ANKS1B: variants seen among roughly 807,000 people sequenced by gnomAD.
The protein encoded by ANKS1B is ankyrin repeat and sterile alpha motif domain containing 1B.
A neutral mutation model predicts 148.3 loss-of-function variants in ANKS1B; 36 were observed. The ratio of observed to expected loss-of-function variants is 0.24; its 90% CI spans 0.19 to 0.32. The LOEUF is 0.32. ANKS1B is among the 10% of genes least tolerant of loss of function. The probability of loss-of-function intolerance (pLI) is 1.00; values close to 1 mark genes in which losing one functional copy is unlikely to be tolerated. For synonymous variants in ANKS1B, 542 were observed against 560.8 expected (o/e 0.97, Z 0.47); for missense variants, 1,157 against 1,542.6 (o/e 0.75, Z 4.19).
At chr12:99,545,389 T>C (rs920469504) in intron 9 of ANKS1B, among the ~76,000 whole-genome samples, 7 of 152,062 alleles carry the variant, frequency 4.6e-5, no homozygotes, top group African/African-American at 1.4e-4. Context: ...CCTAAGAATA[T>C]AAACAAACTA....
chr12:99,437,851 TA>T (rs1448337812), intron 11 of ANKS1B, among the ~76,000 whole-genome samples: 2 of 151,860 alleles, frequency 1.3e-5, no homozygotes, highest in South Asian at 4.1e-4. Context: ...TATTTCCTTT[TA>T]CCATCAAACT....
intron 1 of ANKS1B, among the ~76,000 whole-genome samples, chr12:99,978,231 A>T (rs1399728832): frequency 6.6e-6 from 1 of 152,228 alleles, no homozygotes; most frequent in Non-Finnish European, 1.5e-5. Flanking sequence ...AGCCTTTGTC[A>T]TCTGTAAGAA....
At chr12:99,408,454 G>A (rs897544949) in intron 11 of ANKS1B, among the ~76,000 whole-genome samples, 1 of 145,596 alleles carries the variant, frequency 6.9e-6, no homozygotes, top group African/African-American at 2.6e-5. Context: ...ATTTCTTAAG[G>A]AACACTTCAC....
intron 12 of ANKS1B, among the ~76,000 whole-genome samples, chr12:99,281,509 A>C (rs1219988973): frequency 6.6e-6 from 1 of 152,190 alleles, no homozygotes; most frequent in South Asian, 2.1e-4. Flanking sequence ...CAATGTTCAG[A>C]TCTGACTCAT....
chr12:99,494,330 C>T (rs566796205), intron 10 of ANKS1B, among the ~76,000 whole-genome samples: 2 of 152,242 alleles, frequency 1.3e-5, no homozygotes, highest in South Asian at 2.1e-4. Flanking sequence ...AGAGAGAACA[C>T]TAGCTGAGTC....
At chr12:99,614,461 G>A (rs1432599485) in intron 9 of ANKS1B, among the ~76,000 whole-genome samples, 7 of 144,124 alleles carry the variant, frequency 4.9e-5, no homozygotes, top group Non-Finnish European at 1.1e-4. Flanking sequence ...GAAGGGAAGA[G>A]GAGGGGAGGG....
At chr12:99,084,672 C>A (rs1441790620) in intron 16 of ANKS1B, among the ~76,000 whole-genome samples, 1 of 152,142 alleles carries the variant, frequency 6.6e-6, no homozygotes, top group Non-Finnish European at 1.5e-5. Flanking sequence ...GAGCCTAGAT[C>A]ATACCATTGC....
At chr12:99,305,208 C>T (rs1040982189) in intron 12 of ANKS1B, among the ~76,000 whole-genome samples, 1 of 151,930 alleles carries the variant, frequency 6.6e-6, no homozygotes, top group Non-Finnish European at 1.5e-5. Flanking sequence ...GGGATCTACC[C>T]CCATGAACCC....
intron 16 of ANKS1B, among the ~76,000 whole-genome samples, chr12:99,075,368 T>C (rs2047520904): frequency 1.3e-5 from 2 of 152,182 alleles, no homozygotes. Flanking sequence ...CCAGGGTCCC[T>C]GAATTACTGG....
At chr12:99,082,177 G>A (rs2050028886) in intron 16 of ANKS1B, among the ~76,000 whole-genome samples, 1 of 152,108 alleles carries the variant, frequency 6.6e-6, no homozygotes. Flanking sequence ...CTGACCTTAT[G>A]GACCTTGCTT....
At chr12:99,745,741 C>T (rs1436246634) in intron 8 of ANKS1B, among the ~76,000 whole-genome samples, 1 of 151,782 alleles carries the variant, frequency 6.6e-6, no homozygotes, top group African/African-American at 2.4e-5. Context: ...TTTTAAAAAT[C>T]TAATTGATTT....
At chr12:98,855,376 A>G (rs1231429670) in intron 17 of ANKS1B, among the ~76,000 whole-genome samples, 1 of 152,170 alleles carries the variant, frequency 6.6e-6, no homozygotes, top group Non-Finnish European at 1.5e-5. Flanking sequence ...TATTTTGCTG[A>G]TCTGCTGATC....
intron 17 of ANKS1B, among the ~76,000 whole-genome samples, chr12:99,031,270 C>G (rs1052719085): frequency 6.6e-6 from 1 of 152,092 alleles, no homozygotes; most frequent in African/African-American, 2.4e-5. Flanking sequence ...AAATCATATG[C>G]CAGGAATTCC....
At chr12:99,718,685 A>G (rs971961552) in intron 8 of ANKS1B, among the ~76,000 whole-genome samples, 2 of 152,042 alleles carry the variant, frequency 1.3e-5, no homozygotes, top group African/African-American at 4.8e-5. Flanking sequence ...ATGGTGCCAA[A>G]CCCATATACT....
At chr12:99,369,255 G>C (rs1363727567) in intron 12 of ANKS1B, among the ~76,000 whole-genome samples, 2 of 152,174 alleles carry the variant, frequency 1.3e-5, no homozygotes, top group Non-Finnish European at 2.9e-5. Flanking sequence ...GCTTAAGCTA[G>C]ATGTGCCCAA....
At chr12:99,414,247 C>T (rs536126859) in intron 11 of ANKS1B, among the ~76,000 whole-genome samples, 16 of 152,182 alleles carry the variant, frequency 1.1e-4, no homozygotes, top group South Asian at 2.1e-4. Flanking sequence ...TTTCTTTTAA[C>T]AGAGTTCTCT....
At chr12:99,851,130 G>C (rs1329632261) in intron 1 of ANKS1B, among the ~76,000 whole-genome samples, 1 of 152,046 alleles carries the variant, frequency 6.6e-6, no homozygotes, top group Non-Finnish European at 1.5e-5. Context: ...GCTAAACTGA[G>C]TTGTTGCTAT....
At chr12:99,829,191 A>T (rs2083592038) in intron 1 of ANKS1B, among the ~76,000 whole-genome samples, 1 of 151,912 alleles carries the variant, frequency 6.6e-6, no homozygotes, top group South Asian at 2.1e-4. Context: ...AAATTATCAG[A>T]ACTGAAGGAC....
At chr12:99,425,534 C>A (rs2095234117) in intron 11 of ANKS1B, among the ~76,000 whole-genome samples, 1 of 151,904 alleles carries the variant, frequency 6.6e-6, no homozygotes, top group South Asian at 2.1e-4. Context: ...CACCATTGTT[C>A]TACAAGACTA....
Sources: gnomAD v4.1 joint callset for allele counts (sites outside exome capture counted in the v4.1 genomes callset) on GRCh38, gnomAD v4.1.1 for gene constraint, MANE v1.5 for transcripts, NCBI Gene and HGNC (gene_info 2026-07-23, HGNC 2026-07-21) for gene names.